CFH: variants seen among roughly 807,000 people sequenced by gnomAD.
CFH encodes H factor 1 (complement).
In CFH, 53 loss-of-function variants were observed where a neutral mutation model predicts 147.3. The ratio of observed to expected loss-of-function variants is 0.36; its 90% CI spans 0.29 to 0.45. CFH has a LOEUF of 0.45. Among genes scored for constraint, CFH ranks in the 20% least tolerant of loss-of-function variants. CFH has a pLI of 1.00. For synonymous variants in CFH, 536 were observed against 489.4 expected, an observed-to-expected ratio of 1.10 and a Z score of -1.26; for missense variants, 1,380 against 1,498.0, an observed-to-expected ratio of 0.92 and a Z score of 1.30.
intron 17 of CFH, among the ~76,000 whole-genome samples, chr1:196,738,999 C>T (rs1036170329): frequency 6.6e-6 from 1 of 152,244 alleles, no homozygotes; most frequent in African/African-American, 2.4e-5. Context: ...CACCCACAGG[C>T]CCAAGACTAC....
intron 7 of CFH, among the ~76,000 whole-genome samples, chr1:196,688,569 A>G (rs1009419550): frequency 6.6e-6 from 1 of 152,204 alleles, no homozygotes; most frequent in East Asian, 1.9e-4. Flanking sequence ...CTATATTTTT[A>G]CGTTGTCTGC....
chr1:196,709,568 G>A (rs1395509423), intron 9 of CFH, among the ~76,000 whole-genome samples: 1 of 152,092 alleles, frequency 6.6e-6, no homozygotes, highest in South Asian at 2.1e-4. Flanking sequence ...ATATAAAATT[G>A]ATTAAGGGGG....
At chr1:196,716,589 G>T (rs895520807) in intron 11 of CFH, among the ~76,000 whole-genome samples, 4 of 152,140 alleles carry the variant, frequency 2.6e-5, no homozygotes, top group African/African-American at 9.7e-5. Context: ...GGGTGAGAAA[G>T]TGTGGGGACT....
rs1652889762 is a variant in CFH, at chr1:196,743,547, T to C, written c.3229T>C (p.Cys1077Arg). 1 of 1,614,052 alleles carries C rather than the reference T, an allele frequency of 6.2e-7. No individual in the cohort carries two copies. The highest frequency in any genetic ancestry group is 8.5e-7 in the Non-Finnish European group (1 of 1,179,940). The change falls in exon 20 of 22, where the codon TGT (cysteine) becomes CGT (arginine). Residue 1077 changes from cysteine (C) to arginine (R), a missense_variant. By Grantham distance (180) the Cys-to-Arg change is radical. This residue lies in a region of CFH where 830 missense variants were observed against 821.4 expected (regional missense o/e 1.01). Transcript: ENST00000367429. ...ATCTGGTGAGAGAGTACGTTATCAA[T>C]GTAGGAGCCCTTATGAAATGTTTGG... Reference protein sequence around the residue: ...YPSGERVRYQCRSPYEMFGDE... With the variant: ...YPSGERVRYQRRSPYEMFGDE...
At chr1:196,747,081 T>A in intron 21 of CFH, 30 bp from the exon 22 acceptor site, 3 of 1,612,988 alleles carry the variant, frequency 1.9e-6, no homozygotes, top group African/African-American at 2.7e-5. Flanking sequence ...TACTACTTAA[T>A]GTTTTATGTT....
intron 9 of CFH, among the ~76,000 whole-genome samples, chr1:196,698,012 G>T (rs181399377): frequency 8.3e-6 from 1 of 121,050 alleles, no homozygotes; most frequent in East Asian, 2.9e-4. Context: ...TGTGGGGTGG[G>T]GGGAGGGGGG....
intron 18 of CFH, 63 bp from the exon 19 acceptor site, chr1:196,741,812 A>C (rs1208128168): frequency 1.0e-5 from 15 of 1,439,278 alleles, no homozygotes; most frequent in African/African-American, 2.8e-5. Context: ...AATCCATTAC[A>C]TGTATTGTAT....
At chr1:196,666,673 A>G (rs1667101031) in intron 1 of CFH, among the ~76,000 whole-genome samples, 1 of 151,504 alleles carries the variant, frequency 6.6e-6, no homozygotes, top group African/African-American at 2.4e-5. Flanking sequence ...ATAGCCGGGC[A>G]TGGTGGCGGG....
chr1:196,681,913 T>C (rs890885401), intron 6 of CFH, among the ~76,000 whole-genome samples: 5 of 151,816 alleles, frequency 3.3e-5, no homozygotes, highest in African/African-American at 9.7e-5. Context: ...TCTATACACA[T>C]CATTTTCTCT....
chr1:196,710,019 A>AACAC (rs377373251), intron 9 of CFH, among the ~76,000 whole-genome samples: 1 of 132,694 alleles, frequency 7.5e-6, no homozygotes, highest in Non-Finnish European at 1.6e-5. Context: ...TCAAAAACAA[A>AACAC]ACACACACAC....
chr1:196,697,226 GA>G (rs1459221670), intron 9 of CFH, among the ~76,000 whole-genome samples: 1 of 151,504 alleles, frequency 6.6e-6, no homozygotes. Context: ...GCAACCTACA[GA>G]ATGGGAGAAA....
intron 7 of CFH, among the ~76,000 whole-genome samples, chr1:196,687,377 A>C (rs756576221): frequency 6.6e-6 from 1 of 152,094 alleles, no homozygotes; most frequent in Non-Finnish European, 1.5e-5. Context: ...AAGGGATAAA[A>C]ACAGATGTAA....
chr1:196,687,563 C>T (rs1667870985), intron 7 of CFH, among the ~76,000 whole-genome samples: 1 of 151,872 alleles, frequency 6.6e-6, no homozygotes, highest in Non-Finnish European at 1.5e-5. Flanking sequence ...TGAAATCAAC[C>T]ACAAGCTTTG....
chr1:196,700,831 T>G (rs969366186), intron 9 of CFH: 2 of 985,380 alleles, frequency 2.0e-6, no homozygotes, highest in Non-Finnish European at 2.4e-6. Context: ...GGCAGGGCAG[T>G]GCTGACTTTC....
At chr1:196,658,800 G>A (rs561048023) in intron 1 of CFH, among the ~76,000 whole-genome samples, 1 of 152,076 alleles carries the variant, frequency 6.6e-6, no homozygotes, top group Admixed American at 6.6e-5. Flanking sequence ...GAACTCCTGG[G>A]GTCTATTGAT....
At chr1:196,719,357 C>G (rs77682300) in intron 11 of CFH, among the ~76,000 whole-genome samples, 1 of 151,094 alleles carries the variant, frequency 6.6e-6, no homozygotes, top group Non-Finnish European at 1.5e-5. Context: ...AACACACATA[C>G]AAAAAAAAGA....
intron 1 of CFH, among the ~76,000 whole-genome samples, chr1:196,661,550 G>A (rs1435990719): frequency 6.6e-6 from 1 of 152,184 alleles, no homozygotes; most frequent in Admixed American, 6.5e-5. Context: ...TGATGAAAGG[G>A]ACAAGGCAGC....
chr1:196,720,364 T>C (rs1668970082), intron 11 of CFH, among the ~76,000 whole-genome samples: 1 of 151,978 alleles, frequency 6.6e-6, no homozygotes, highest in Admixed American at 6.6e-5. Context: ...AGTCTGTACT[T>C]TTAGTGTATT....
chr1:196,705,588 T>C (rs142350526), intron 9 of CFH, among the ~76,000 whole-genome samples: 29 of 152,254 alleles, frequency 1.9e-4, no homozygotes, highest in African/African-American at 7.0e-4. Flanking sequence ...TGTTCATACA[T>C]GAGAGAGAAG....
Sources: allele counts gnomAD v4.1 joint callset (sites outside exome capture counted in the v4.1 genomes callset), GRCh38; gene constraint gnomAD v4.1.1; regional missense constraint gnomAD v4.1.1; transcripts MANE v1.5; gene names NCBI Gene and HGNC (gene_info 2026-07-23, HGNC 2026-07-21).